Variants in HTR3B observed in about 807,000 individuals in gnomAD.
HTR3B encodes the protein 5-hydroxytryptamine (serotonin) receptor 3B, ionotropic.
In HTR3B, 44 loss-of-function variants were observed where a neutral mutation model predicts 42.8. The observed-to-expected ratio is 1.03, with a 90% CI of 0.81 to 1.32. The LOEUF is 1.32. HTR3B is among the 40% of genes most tolerant of loss of function. The pLI is 0.00. For synonymous variants in HTR3B, 203 were observed against 209.0 expected, an observed-to-expected ratio of 0.97 and a Z score of 0.25; for missense variants, 527 against 536.5, an observed-to-expected ratio of 0.98 and a Z score of 0.17.
intron 6 of HTR3B, among the ~76,000 whole-genome samples, chr11:113,941,047 A>G (rs1176762): frequency 0.018 from 2,667 of 152,278 alleles, 74 homozygotes; most frequent in African/African-American, 0.061. Flanking sequence ...GAAAATCTAT[A>G]AAGTAGAGGC....
intron 2 of HTR3B, among the ~76,000 whole-genome samples, chr11:113,925,417 GTTTTTTTTTTT>G (rs201996305): frequency 2.3e-3 from 233 of 100,742 alleles, no homozygotes; most frequent in African/African-American, 7.4e-3. Flanking sequence ...TTACGAATTT[GTTTTTTTTTTT>G]TTTTTTTTTT....
intron 1 of HTR3B, among the ~76,000 whole-genome samples, chr11:113,908,720 A>C (rs1473237996): frequency 2.0e-5 from 3 of 152,230 alleles, no homozygotes; most frequent in South Asian, 2.1e-4. Flanking sequence ...ATTTTCTGAC[A>C]AGTGCATTTT....
chr11:113,932,156 G>T (rs566487349), intron 4 of HTR3B, 133 bp from the exon 5 acceptor site: 39 of 734,796 alleles, frequency 5.3e-5, no homozygotes, highest in African/African-American at 5.3e-4. Context: ...ATCATCTCAT[G>T]GAAAATGCGA....
chr11:113,909,984 C>CA (rs1178070726), intron 2 of HTR3B, among the ~76,000 whole-genome samples: 9,455 of 38,804 alleles, frequency 0.24, 1,485 homozygotes, highest in African/African-American at 0.33. Context: ...ACCTTGTCTC[C>CA]AAAAAAAAAA....
chr11:113,928,781 C>T (rs1591579989), intron 2 of HTR3B, among the ~76,000 whole-genome samples: 2 of 152,198 alleles, frequency 1.3e-5, no homozygotes, highest in East Asian at 1.9e-4. Flanking sequence ...AAGTGATCCA[C>T]CCACCTCGGC....
At chr11:113,918,786 A>T (rs531382967) in intron 2 of HTR3B, among the ~76,000 whole-genome samples, 105 of 151,172 alleles carry the variant, frequency 6.9e-4, no homozygotes, top group Non-Finnish European at 1.3e-3. Context: ...CCTCCTGAAT[A>T]GCTGGGATTA....
intron 6 of HTR3B, among the ~76,000 whole-genome samples, chr11:113,936,190 GT>G (rs1025324569): frequency 6.6e-6 from 1 of 152,062 alleles, no homozygotes; most frequent in African/African-American, 2.4e-5. Flanking sequence ...CATGGCAGTG[GT>G]TTTTTTCTTT....
chr11:113,931,472 T>A, intron 3 of HTR3B, 44 bp downstream of exon 3: 1 of 1,178,810 alleles, frequency 8.5e-7, no homozygotes, highest in Non-Finnish European at 1.2e-6. Flanking sequence ...ACTCCTGATC[T>A]GGATCTGCTG....
At chr11:113,899,240 A>T in the HTR3B span, among the ~76,000 whole-genome samples, 37 of 152,216 alleles carry the variant, frequency 2.4e-4, no homozygotes, top group Non-Finnish European at 4.3e-4. Context: ...GTGCATTATT[A>T]TTAAAAATGA....
chr11:113,927,203 A>G (rs1949984115), intron 2 of HTR3B, among the ~76,000 whole-genome samples: 2 of 152,164 alleles, frequency 1.3e-5, no homozygotes, highest in Admixed American at 6.6e-5. Context: ...TTGTGTTACC[A>G]TCACCGTGAT....
In HTR3B at chr11:113,945,730, T is replaced by C. The variant is rs1037713452; in HGVS notation, c.1091-172T>C. Reference sequence around the variant, plus strand: ...ACGTGTTCTCTGAGGCTTCCTGCAGTACAACTTTGCCTCGCCTAATCGGGT... The same window carrying C: ...ACGTGTTCTCTGAGGCTTCCTGCAGCACAACTTTGCCTCGCCTAATCGGGT... On this transcript the variant is annotated intron_variant, in intron 8 of 8. Coordinates refer to ENST00000260191, the MANE Select transcript of HTR3B (RefSeq NM_006028.5). Among the ~76,000 whole-genome samples the C allele has an allele frequency of 3.9e-5, 6 of 152,184 alleles. No homozygotes were observed. The South Asian group carries it at 1.2e-3, about 32-fold the overall frequency.
At chr11:113,936,062 A>G (rs935295557) in intron 6 of HTR3B, among the ~76,000 whole-genome samples, 3 of 152,132 alleles carry the variant, frequency 2.0e-5, no homozygotes, top group Non-Finnish European at 4.4e-5. Context: ...TCTCCCTACA[A>G]AGATGTCTGT....
intron 2 of HTR3B, among the ~76,000 whole-genome samples, chr11:113,912,272 C>A (rs1742594203): frequency 6.6e-6 from 1 of 151,368 alleles, no homozygotes; most frequent in East Asian, 1.9e-4. Context: ...TTTTTGAGAC[C>A]TTGCTCTGTT....
chr11:113,941,908 C>A (rs559764822), intron 6 of HTR3B, among the ~76,000 whole-genome samples: 1 of 152,098 alleles, frequency 6.6e-6, no homozygotes, highest in Non-Finnish European at 1.5e-5. Context: ...GGGGTCTGCC[C>A]GCCATCTTGT....
At chr11:113,926,268 G>A (rs558355824) in intron 2 of HTR3B, among the ~76,000 whole-genome samples, 161 of 152,136 alleles carry the variant, frequency 1.1e-3, no homozygotes, top group African/African-American at 3.6e-3. Flanking sequence ...CTCATCAGTC[G>A]ATAGATGTTT....
At chr11:113,936,089 G>A (rs1286110736) in intron 6 of HTR3B, among the ~76,000 whole-genome samples, 6 of 152,272 alleles carry the variant, frequency 3.9e-5, no homozygotes, top group African/African-American at 1.2e-4. Context: ...CCTGGGACCC[G>A]GCCCAGCAGC....
chr11:113,899,826 T>A (rs538774836), upstream of HTR3B, among the ~76,000 whole-genome samples: 9 of 152,260 alleles, frequency 5.9e-5, no homozygotes, highest in Admixed American at 2.6e-4. Flanking sequence ...CAAAGGCTCA[T>A]GGGGATGTGA....
chr11:113,946,170 A>C lies in HTR3B; in HGVS notation c.*33A>C. ...AGTGTTCTTCAGTAATTGTGCTGGC[A>C]CTTAGGAGAGAGAGGAGGGGGAATA... On this transcript the variant is annotated 3_prime_UTR_variant, in exon 9 of 9. Coordinates refer to ENST00000260191, the MANE Select transcript of HTR3B (RefSeq NM_006028.5). 2 of 1,523,570 alleles carry C rather than the reference A, an allele frequency of 1.3e-6. No individual in the cohort carries two copies. The highest frequency in any genetic ancestry group is 1.8e-6 in the Non-Finnish European group (2 of 1,100,126). The allele number at this position is 1,523,570 out of a possible 1,614,324, so 94.4% of individuals were successfully genotyped here. A position where few individuals can be genotyped will look rare whatever the true frequency, so the allele number is the denominator to read the frequency against.
At chr11:113,908,396 C>G (rs1416258105) in intron 1 of HTR3B, among the ~76,000 whole-genome samples, 1 of 152,178 alleles carries the variant, frequency 6.6e-6, no homozygotes, top group Non-Finnish European at 1.5e-5. Flanking sequence ...AATTCACACG[C>G]AGGACACTAC....
Sources: gnomAD v4.1 joint callset for allele counts (sites outside exome capture counted in the v4.1 genomes callset) on GRCh38, gnomAD v4.1.1 for gene constraint, MANE v1.5 for transcripts, NCBI Gene and HGNC (gene_info 2026-07-23, HGNC 2026-07-21) for gene names.